Variants in PDE1C observed in about 807,000 individuals in gnomAD.
PDE1C encodes the protein dual specificity calcium/calmodulin-dependent 3',5'-cyclic nucleotide phosphodiesterase 1C.
Under a neutral mutation model 93.1 loss-of-function variants are expected in PDE1C, and 62 were observed. The observed-to-expected ratio is 0.67, with a 90% CI of 0.54 to 0.82. The LOEUF (loss-of-function observed/expected upper bound fraction) is 0.82, where lower values mean the gene tolerates loss of function less well. PDE1C is among the 40% of genes least tolerant of loss of function. PDE1C has a pLI of 0.00. For missense variants in PDE1C, 742 were observed against 884.6 expected (o/e 0.84, Z 2.04); for synonymous variants, 325 against 310.1 (o/e 1.05, Z -0.50).
chr7:32,300,803 T>C (rs1439482971), upstream of PDE1C, among the ~76,000 whole-genome samples: 2 of 152,202 alleles, frequency 1.3e-5, no homozygotes, highest in Non-Finnish European at 2.9e-5. Flanking sequence ...ATTTTATATA[T>C]AATATATTAC....
intron 2 of PDE1C, among the ~76,000 whole-genome samples, chr7:31,928,196 G>A (rs561974717): frequency 5.5e-4 from 84 of 152,000 alleles, no homozygotes; most frequent in African/African-American, 1.8e-3. Flanking sequence ...ATCAGAGATT[G>A]AATATCAACT....
chr7:31,980,035 C>G lies in PDE1C; in HGVS notation c.128+71519G>C, dbSNP rs940584325. Among the ~76,000 whole-genome samples, 8 of 152,292 alleles carry G rather than the reference C, an allele frequency of 5.3e-5. No individual in the cohort carries two copies. The South Asian group carries it at 1.0e-3, about 20-fold the overall frequency. ...AAAGGGCTCCTTTAGCATAAAGTAG[C>G]CTTTTTCACACTTGTGCAGACTCCA... On this transcript the variant is annotated intron_variant, in intron 2 of 17. Transcript: ENST00000396191.
At chr7:31,879,489 G>A (rs1278117710) in intron 3 of PDE1C, among the ~76,000 whole-genome samples, 4 of 152,128 alleles carry the variant, frequency 2.6e-5, no homozygotes, top group African/African-American at 4.8e-5. Context: ...ATTTAAAAAT[G>A]CCTTCACAGG....
At chr7:31,769,787 C>A (rs898519294) in intron 17 of PDE1C, among the ~76,000 whole-genome samples, 1 of 152,204 alleles carries the variant, frequency 6.6e-6, no homozygotes, top group Admixed American at 6.5e-5. Flanking sequence ...CAGCCCGTGA[C>A]AACCACTAAT....
chr7:32,046,205 CTT>C (rs75414654), intron 2 of PDE1C, among the ~76,000 whole-genome samples: 1 of 115,730 alleles, frequency 8.6e-6, no homozygotes, highest in Non-Finnish European at 1.8e-5. Flanking sequence ...AGCCATTTGC[CTT>C]TTTTTTAAAA....
chr7:31,618,956 A>G, the PDE1C span, among the ~76,000 whole-genome samples: 1 of 152,202 alleles, frequency 6.6e-6, no homozygotes, highest in Non-Finnish European at 1.5e-5. Flanking sequence ...AGGTGACTCA[A>G]AGCATTCTAG....
intron 1 of PDE1C, among the ~76,000 whole-genome samples, chr7:32,291,998 C>T (rs993027843): frequency 3.9e-5 from 6 of 152,124 alleles, no homozygotes; most frequent in Non-Finnish European, 7.4e-5. Flanking sequence ...GTGGTTCCCC[C>T]GCCCTTCTAC....
chr7:32,209,387 T>G lies in PDE1C; in HGVS notation c.136+102A>C, dbSNP rs555126938. On this transcript the variant is annotated intron_variant, in intron 2 of 18. Coordinates refer to the PDE1C transcript ENST00000396193. ...GATATTTCCTGCATTACTATTTTAT[T>G]AACACCTGACAGAATTGAAGAGCTA... is the stretch of plus-strand genomic sequence containing the variant. The G allele has an allele frequency of 6.2e-6, 6 of 964,210 alleles. No individual in the cohort carries two copies. In the African/African-American group the frequency reaches 8.4e-5, roughly 13 times the overall value. The allele number at this position is 964,210 out of a possible 1,614,324, so 59.7% of individuals were successfully genotyped here. A position where few individuals can be genotyped will look rare whatever the true frequency, so the allele number is the denominator to read the frequency against.
chr7:31,921,807 CTTTT>C (rs560241972), intron 2 of PDE1C, among the ~76,000 whole-genome samples: 1 of 152,064 alleles, frequency 6.6e-6, no homozygotes, highest in Non-Finnish European at 1.5e-5. Flanking sequence ...TTATTAATAA[CTTTT>C]TTTAGCATGG....
At chr7:31,617,610 C>T in the PDE1C span, among the ~76,000 whole-genome samples, 1 of 150,272 alleles carries the variant, frequency 6.7e-6, no homozygotes, top group African/African-American at 2.5e-5. Flanking sequence ...TCTTTAGAGA[C>T]AACTTTTACC....
At chr7:32,255,853 T>C (rs1330331936) in intron 1 of PDE1C, among the ~76,000 whole-genome samples, 1 of 152,176 alleles carries the variant, frequency 6.6e-6, no homozygotes, top group East Asian at 1.9e-4. Context: ...CAGATACTTG[T>C]GCAGATACAG....
chr7:31,964,130 A>T (rs1563108711), intron 2 of PDE1C, among the ~76,000 whole-genome samples: 1 of 152,234 alleles, frequency 6.6e-6, no homozygotes, highest in Non-Finnish European at 1.5e-5. Context: ...GGTGCAGCGC[A>T]CCGTGCGTGA....
At chr7:32,235,594 G>A (rs1259503004) in intron 1 of PDE1C, among the ~76,000 whole-genome samples, 2 of 152,018 alleles carry the variant, frequency 1.3e-5, no homozygotes, top group Non-Finnish European at 2.9e-5. Flanking sequence ...AACATCTAGT[G>A]AAACATATAC....
chr7:32,387,793 G>A (rs1784667488), intron 1 of PDE1C, among the ~76,000 whole-genome samples: 1 of 146,290 alleles, frequency 6.8e-6, no homozygotes, highest in Non-Finnish European at 1.5e-5. Flanking sequence ...CGGGGCGGCT[G>A]GCCGGGCGGG....
At chr7:32,392,249 T>C (rs1784762980) in intron 1 of PDE1C, among the ~76,000 whole-genome samples, 1 of 152,086 alleles carries the variant, frequency 6.6e-6, no homozygotes, top group Non-Finnish European at 1.5e-5. Context: ...TACAAAAACA[T>C]GTTAGAAAAT....
At chr7:32,211,728 G>C (rs1314478996) in intron 1 of PDE1C, among the ~76,000 whole-genome samples, 1 of 152,028 alleles carries the variant, frequency 6.6e-6, no homozygotes, top group African/African-American at 2.4e-5. Context: ...TCTGAAGAAA[G>C]AAATAGAGCT....
chr7:31,798,970 C>T (rs1342021274), intron 16 of PDE1C, among the ~76,000 whole-genome samples: 1 of 151,648 alleles, frequency 6.6e-6, no homozygotes, highest in Non-Finnish European at 1.5e-5. Context: ...AAACTATCGT[C>T]CTAAGTAGTA....
At chr7:31,885,496 C>A (rs1797755568) in intron 2 of PDE1C, among the ~76,000 whole-genome samples, 1 of 152,186 alleles carries the variant, frequency 6.6e-6, no homozygotes, top group Non-Finnish European at 1.5e-5. Context: ...ATGCTTCTTA[C>A]CTGCAAGGCA....
chr7:32,038,118 C>T (rs1311325703), intron 2 of PDE1C, among the ~76,000 whole-genome samples: 4 of 152,104 alleles, frequency 2.6e-5, no homozygotes, highest in Non-Finnish European at 5.9e-5. Context: ...ATACAGGGAT[C>T]AAAAGAATAA....
Sources: gnomAD v4.1 joint callset for allele counts (sites outside exome capture counted in the v4.1 genomes callset) on GRCh38, gnomAD v4.1.1 for gene constraint, MANE v1.5 for transcripts, NCBI Gene and HGNC (gene_info 2026-07-23, HGNC 2026-07-21) for gene names.